Variants in ASTN1 observed in about 807,000 individuals in gnomAD.
The protein encoded by ASTN1 is astrotactin-1.
In ASTN1, 41 loss-of-function variants were observed where a neutral mutation model predicts 140.7. That is an observed-to-expected ratio of 0.29 (90% CI 0.23 to 0.38). The LOEUF (loss-of-function observed/expected upper bound fraction) is 0.38, where lower values mean the gene tolerates loss of function less well. Ranked by LOEUF, ASTN1 falls within the 10% of genes least tolerant of loss-of-function variation. The probability of loss-of-function intolerance (pLI) is 1.00; values close to 1 mark genes in which losing one functional copy is unlikely to be tolerated. For missense variants in ASTN1, 1,479 were observed against 1,678.8 expected (o/e 0.88, Z 2.08); for synonymous variants, 640 against 652.2 (o/e 0.98, Z 0.29).
intron 1 of ASTN1, among the ~76,000 whole-genome samples, chr1:177,151,800 T>C (rs1683048882): frequency 6.6e-6 from 1 of 152,190 alleles, no homozygotes; most frequent in Non-Finnish European, 1.5e-5. Context: ...ATAAATTTTA[T>C]ACTCAATTAA....
intron 8 of ASTN1, among the ~76,000 whole-genome samples, chr1:176,985,035 GA>G (rs1358089943): frequency 6.6e-6 from 1 of 152,192 alleles, no homozygotes; most frequent in African/African-American, 2.4e-5. Flanking sequence ...GCAGTGGTGG[GA>G]AAGCAACTTT....
chr1:176,900,571 T>C (rs768894183), intron 16 of ASTN1, among the ~76,000 whole-genome samples: 11 of 152,194 alleles, frequency 7.2e-5, no homozygotes, highest in South Asian at 6.2e-4. Flanking sequence ...AAGGGCTGTG[T>C]AAAGTGTGTG....
intron 1 of ASTN1, among the ~76,000 whole-genome samples, chr1:177,076,524 C>A (rs1179354261): frequency 7.3e-6 from 1 of 137,810 alleles, no homozygotes; most frequent in Non-Finnish European, 1.6e-5. Flanking sequence ...CTTTTCTTTT[C>A]TTTTTTTTTT....
intron 16 of ASTN1, among the ~76,000 whole-genome samples, chr1:176,895,307 A>G (rs1669458701): frequency 6.6e-6 from 1 of 152,226 alleles, no homozygotes; most frequent in Non-Finnish European, 1.5e-5. Context: ...AATATAGCTA[A>G]GATTTAGGAA....
At chr1:177,034,317 G>C (rs1338650579) in intron 2 of ASTN1, among the ~76,000 whole-genome samples, 1 of 151,706 alleles carries the variant, frequency 6.6e-6, no homozygotes, top group Admixed American at 6.6e-5. Flanking sequence ...CAGAGGAGCA[G>C]AGACACGAGG....
At chr1:176,986,703 A>G (rs1673923852) in intron 8 of ASTN1, among the ~76,000 whole-genome samples, 1 of 152,162 alleles carries the variant, frequency 6.6e-6, no homozygotes, top group African/African-American at 2.4e-5. Flanking sequence ...AGAAATCTTA[A>G]GTAAATCTTC....
At chr1:176,899,368 T>C (rs1328426267) in intron 16 of ASTN1, among the ~76,000 whole-genome samples, 1 of 152,206 alleles carries the variant, frequency 6.6e-6, no homozygotes, top group Non-Finnish European at 1.5e-5. Context: ...ATGCAGGGTC[T>C]GCTCTTCTGG....
chr1:177,149,627 GTA>G (rs1173524971), intron 1 of ASTN1, among the ~76,000 whole-genome samples: 3 of 82,414 alleles, frequency 3.6e-5, no homozygotes, highest in Non-Finnish European at 3.9e-5. Flanking sequence ...TATATACACT[GTA>G]TATATATAGT....
At chr1:176,905,697 G>A (rs746713266) in intron 16 of ASTN1, among the ~76,000 whole-genome samples, 6 of 152,084 alleles carry the variant, frequency 3.9e-5, no homozygotes, top group Non-Finnish European at 7.4e-5. Flanking sequence ...TTCTCTCACC[G>A]CTTAGTCCTC....
intron 2 of ASTN1, among the ~76,000 whole-genome samples, chr1:177,044,736 G>A (rs936619669): frequency 3.9e-5 from 6 of 152,206 alleles, no homozygotes; most frequent in African/African-American, 1.4e-4. Context: ...AACTGACAAG[G>A]CCGACATCAT....
At chr1:177,095,697 A>G (rs1388751979) in intron 1 of ASTN1, among the ~76,000 whole-genome samples, 1 of 152,212 alleles carries the variant, frequency 6.6e-6, no homozygotes, top group Admixed American at 6.5e-5. Context: ...CAAACCAGGC[A>G]GAGGTCCACT....
intron 7 of ASTN1, among the ~76,000 whole-genome samples, chr1:177,018,232 G>T (rs1234685553): frequency 6.6e-6 from 1 of 152,180 alleles, no homozygotes; most frequent in Non-Finnish European, 1.5e-5. Flanking sequence ...CCTAAAGGAA[G>T]GTGCTTTAAT....
intron 1 of ASTN1, among the ~76,000 whole-genome samples, chr1:177,122,609 G>A (rs1187490749): frequency 6.6e-6 from 1 of 152,092 alleles, no homozygotes; most frequent in Non-Finnish European, 1.5e-5. Flanking sequence ...AGACTAGGGC[G>A]ACAGTCCCGT....
intron 12 of ASTN1, 78 bp from the exon 13 acceptor site, chr1:176,946,198 A>G (rs1671954189): frequency 8.4e-6 from 11 of 1,309,358 alleles, no homozygotes; most frequent in South Asian, 1.9e-5. Flanking sequence ...GTATATTGGG[A>G]GGAAATGCCT....
intron 1 of ASTN1, among the ~76,000 whole-genome samples, chr1:177,066,174 C>T (rs1462666080): frequency 2.0e-5 from 3 of 152,216 alleles, no homozygotes; most frequent in East Asian, 3.9e-4. Flanking sequence ...TTCTCCTTTC[C>T]CTCTGCACAT....
chr1:177,109,456 GGAGA>G (rs1680710786), intron 1 of ASTN1, among the ~76,000 whole-genome samples: 1 of 151,368 alleles, frequency 6.6e-6, no homozygotes. Flanking sequence ...AGAGAGAGAG[GGAGA>G]GAGACTCACC....
intron 16 of ASTN1, among the ~76,000 whole-genome samples, chr1:176,922,100 G>A (rs12058055): frequency 0.03 from 4,569 of 152,162 alleles, 194 homozygotes; most frequent in African/African-American, 0.1. Flanking sequence ...CTTATGCCCC[G>A]GAGAATATAA....
intron 8 of ASTN1, among the ~76,000 whole-genome samples, chr1:177,010,020 G>A (rs140797311): frequency 5.9e-4 from 90 of 152,162 alleles, no homozygotes; most frequent in African/African-American, 1.8e-3. Context: ...GTATCTAGAG[G>A]CCCTTGGGTG....
intron 1 of ASTN1, among the ~76,000 whole-genome samples, chr1:177,115,293 T>G (rs921467769): frequency 4.1e-4 from 63 of 151,978 alleles, no homozygotes; most frequent in African/African-American, 1.5e-3. Flanking sequence ...CTATTCAGAG[T>G]GAAAATTAAA....
Sources: allele counts gnomAD v4.1 joint callset (sites outside exome capture counted in the v4.1 genomes callset), GRCh38; gene constraint gnomAD v4.1.1; transcripts MANE v1.5; gene names NCBI Gene and HGNC (gene_info 2026-07-23, HGNC 2026-07-21).